SUCLG2: variants seen among roughly 807,000 people sequenced by gnomAD.
SUCLG2 encodes the protein succinate-CoA ligase GDP-forming subunit beta.
A neutral mutation model predicts 47.9 loss-of-function variants in SUCLG2; 42 were observed. The observed-to-expected ratio is 0.88, with a 90% CI of 0.69 to 1.14. The LOEUF (loss-of-function observed/expected upper bound fraction) is 1.14. SUCLG2 is among the 50% of genes most tolerant of loss of function. The pLI is 0.00. For missense variants in SUCLG2, 571 were observed against 525.9 expected (o/e 1.09, Z -0.84); for synonymous variants, 195 against 197.3 (o/e 0.99, Z 0.10).
chr3:67,429,935 C>A (rs1461580355), intron 9 of SUCLG2, among the ~76,000 whole-genome samples: 1 of 152,138 alleles, frequency 6.6e-6, no homozygotes, highest in African/African-American at 2.4e-5. Flanking sequence ...TACAGGAGCA[C>A]CCAGATTCAT....
At position 67,603,991 on chromosome 3, in the gene SUCLG2, G is replaced by A. The variant is rs1039673937; in HGVS notation, c.226+5464C>T. Among the ~76,000 whole-genome samples, 9 of 152,134 alleles carry A rather than the reference G, an allele frequency of 5.9e-5. No individual in the cohort carries two copies. In the East Asian group the frequency reaches 9.6e-4, roughly 16 times the overall value. ...ACGTAAACAACTCCTCCTTTAAAGC[G>A]TGATTATAAAAGGTGGCTCCGATAA... is the stretch of plus-strand genomic sequence containing the variant. On this transcript the variant is annotated intron_variant, in intron 2 of 10. Coordinates refer to ENST00000307227, the MANE Select transcript of SUCLG2 (RefSeq NM_003848.4).
rs143131885 is a variant in SUCLG2, at chr3:67,537,462, C to T, written c.227-8276G>A. Among the ~76,000 whole-genome samples the T allele has an allele frequency of 4.5e-3, 679 of 152,276 alleles. 8 individuals are homozygous for T. In the East Asian group the frequency reaches 0.054, roughly 12 times the overall value. ...TATGTGCCACATTTTCTTTATTCAG[C>T]CTATCACTGATGGGCATTTGGGTTG... is the stretch of plus-strand genomic sequence containing the variant. On this transcript the variant is annotated intron_variant, in intron 2 of 10. Transcript: ENST00000307227.
chr3:67,572,225 A>C (rs1481471085), intron 2 of SUCLG2, among the ~76,000 whole-genome samples: 1 of 152,200 alleles, frequency 6.6e-6, no homozygotes, highest in Non-Finnish European at 1.5e-5. Flanking sequence ...TCCTACATCT[A>C]AAGTGAATTC....
intron 5 of SUCLG2, 87 bp downstream of exon 5, chr3:67,520,395 C>T: frequency 6.4e-7 from 1 of 1,570,272 alleles, no homozygotes; most frequent in Non-Finnish European, 8.8e-7. Context: ...AGATTTAGTG[C>T]TCCTGGCCTT....
chr3:67,634,207 C>A (rs1700972109), intron 1 of SUCLG2, among the ~76,000 whole-genome samples: 1 of 152,142 alleles, frequency 6.6e-6, no homozygotes, highest in African/African-American at 2.4e-5. Context: ...CTCTTTGGTG[C>A]CACAACAGGC....
intron 7 of SUCLG2, among the ~76,000 whole-genome samples, chr3:67,500,380 C>T (rs73088945): frequency 0.11 from 17,294 of 152,074 alleles, 1,217 homozygotes; most frequent in East Asian, 0.32. Context: ...ATATATAGAC[C>T]GCACATGACT....
chr3:67,484,984 G>C (rs1379619579), intron 9 of SUCLG2, among the ~76,000 whole-genome samples: 1 of 152,092 alleles, frequency 6.6e-6, no homozygotes, highest in East Asian at 1.9e-4. Context: ...TTCATTTTCT[G>C]ACCAGTACCA....
At chr3:67,450,212 T>C (rs1329151589) in intron 9 of SUCLG2, among the ~76,000 whole-genome samples, 1 of 152,068 alleles carries the variant, frequency 6.6e-6, no homozygotes, top group African/African-American at 2.4e-5. Flanking sequence ...TGGCTAACTT[T>C]TAAATATTTT....
At chr3:67,519,789 G>A (rs145320373) in intron 5 of SUCLG2, among the ~76,000 whole-genome samples, 4 of 152,192 alleles carry the variant, frequency 2.6e-5, no homozygotes, top group African/African-American at 7.2e-5. Context: ...CATAGCTGAC[G>A]TAGGTTAAGA....
chr3:67,395,469 C>G (rs1172012969), intron 10 of SUCLG2, among the ~76,000 whole-genome samples: 1 of 152,170 alleles, frequency 6.6e-6, no homozygotes, highest in Non-Finnish European at 1.5e-5. Context: ...ACAAGAAGAA[C>G]TAACTATCCT....
At chr3:67,566,411 G>A (rs1254922377) in intron 2 of SUCLG2, among the ~76,000 whole-genome samples, 1 of 152,002 alleles carries the variant, frequency 6.6e-6, no homozygotes, top group Non-Finnish European at 1.5e-5. Context: ...AAAAAAAGCT[G>A]AATACAACTG....
In SUCLG2 at chr3:67,620,112, CT is replaced by C. The variant is rs148663245; in HGVS notation, c.85-10517del. On this transcript the variant is annotated intron_variant, in intron 1 of 10. Coordinates refer to ENST00000307227, the MANE Select transcript of SUCLG2 (RefSeq NM_003848.4). ...TGTTCATTCATTTAACAATTTTCCA[CT>C]GCATCCATAATGTGGTCACTGTGTT... Among the ~76,000 whole-genome samples the C allele has an allele frequency of 4.5e-3, 678 of 152,342 alleles. 9 individuals carry two copies. The highest frequency in any genetic ancestry group is 0.016 in the African/African-American group (650 of 41,570).
intron 2 of SUCLG2, among the ~76,000 whole-genome samples, chr3:67,601,383 T>G (rs893262110): frequency 2.0e-5 from 3 of 152,224 alleles, no homozygotes; most frequent in Non-Finnish European, 2.9e-5. Context: ...ATGAGCATGT[T>G]CCTTTGATAA....
intron 5 of SUCLG2, among the ~76,000 whole-genome samples, chr3:67,518,770 T>G (rs1392667590): frequency 6.6e-6 from 1 of 152,234 alleles, no homozygotes; most frequent in African/African-American, 2.4e-5. Flanking sequence ...TAATTATTAC[T>G]GTTACCTTAG....
chr3:67,459,287 C>T (rs893901732), intron 9 of SUCLG2, among the ~76,000 whole-genome samples: 2 of 152,172 alleles, frequency 1.3e-5, no homozygotes, highest in African/African-American at 4.8e-5. Flanking sequence ...TAACAACATT[C>T]TCTATGACCT....
intron 2 of SUCLG2, among the ~76,000 whole-genome samples, chr3:67,591,232 C>G (rs1180039821): frequency 6.6e-6 from 1 of 152,170 alleles, no homozygotes; most frequent in African/African-American, 2.4e-5. Context: ...AGAGCACAAA[C>G]AGCGCATACA....
chr3:67,518,818 T>C (rs923914359), intron 5 of SUCLG2, among the ~76,000 whole-genome samples: 1 of 152,182 alleles, frequency 6.6e-6, no homozygotes, highest in Non-Finnish European at 1.5e-5. Context: ...CACCGAGCAC[T>C]GTCACTATAC....
chr3:67,366,764 T>C (rs557432113), intron 10 of SUCLG2, among the ~76,000 whole-genome samples: 1 of 152,322 alleles, frequency 6.6e-6, no homozygotes, highest in East Asian at 1.9e-4. Flanking sequence ...AACTGTTAGC[T>C]GCCTGGAACA....
chr3:67,625,978 C>T (rs1700820766), intron 1 of SUCLG2, among the ~76,000 whole-genome samples: 1 of 151,460 alleles, frequency 6.6e-6, no homozygotes, highest in South Asian at 2.1e-4. Flanking sequence ...GAGCATAGGA[C>T]AGGGTTGTAC....
Sources: gnomAD v4.1 joint callset for allele counts (sites outside exome capture counted in the v4.1 genomes callset) on GRCh38, gnomAD v4.1.1 for gene constraint, MANE v1.5 for transcripts, NCBI Gene and HGNC (gene_info 2026-07-23, HGNC 2026-07-21) for gene names.